The following CACNA1A variants were observed in gnomAD, a reference collection of about 807,000 sequenced individuals.
The protein encoded by CACNA1A is calcium voltage-gated channel subunit alpha1 A, also known as voltage-dependent P/Q-type calcium channel subunit alpha-1A.
CACNA1A carries 57 observed loss-of-function variants against 262.4 expected under a neutral mutation model. The observed-to-expected ratio is 0.22, with a 90% CI of 0.18 to 0.27. The LOEUF is 0.27. Among genes scored for constraint, CACNA1A ranks in the 10% least tolerant of loss-of-function variants. The pLI, the probability that CACNA1A is intolerant of heterozygous loss-of-function variation, is 1.00. For missense variants in CACNA1A, 2,526 were observed against 3,562.8 expected (o/e 0.71, Z 7.41); for synonymous variants, 1,431 against 1,419.3 (o/e 1.01, Z -0.18).
At chr19:13,489,152 C>G (rs533612528) in intron 1 of CACNA1A, among the ~76,000 whole-genome samples, 1 of 151,526 alleles carries the variant, frequency 6.6e-6, no homozygotes, top group Non-Finnish European at 1.5e-5. Context: ...GCTGGGACTG[C>G]GGGTGTGCAC....
Position 13,207,764 on chromosome 19 carries a change from C to G in CACNA1A, c.7070G>C (p.Gly2357Ala). 1 of 1,378,522 alleles carries G rather than the reference C, an allele frequency of 7.3e-7. No individual in the cohort carries two copies. The highest frequency in any genetic ancestry group is 9.3e-7 in the Non-Finnish European group (1 of 1,074,456). The allele number at this position is 1,378,522 out of a possible 1,614,324, so 85.4% of individuals were successfully genotyped here. A position where few individuals can be genotyped will look rare whatever the true frequency, so the allele number is the denominator to read the frequency against. Residue 2357 changes from glycine (G) to alanine (A), a missense_variant, in exon 47 of 47, where the codon GGG (glycine) becomes GCG (alanine). By Grantham distance (60) the Gly-to-Ala change is moderately conservative. Transcript: ENST00000360228. This position sits in a 1 kb window ranked among gnomAD's most constrained non-coding sequence, Gnocchi z 5.7. The stretch of plus-strand genomic sequence containing the variant: ...GGGCGAGCGGCCGCTGCTGTGGCCC[C>G]CCGTGGGCGGCCGATCTCCGGCCAG... The part of the protein sequence containing the change: ...EPLAGDRPPT[G>A]GHSSGRSPRM...
chr19:13,360,808 A>G (rs186388971), intron 5 of CACNA1A, among the ~76,000 whole-genome samples: 40 of 152,308 alleles, frequency 2.6e-4, no homozygotes, highest in Non-Finnish European at 5.0e-4. Flanking sequence ...CTCAGACATC[A>G]TATCATTTCA....
chr19:13,294,048 A>C (rs1473872708), intron 19 of CACNA1A, among the ~76,000 whole-genome samples: 3 of 152,138 alleles, frequency 2.0e-5, no homozygotes, highest in African/African-American at 7.2e-5. Flanking sequence ...TAGATCTGTT[A>C]ATAAGGCTGA....
chr19:13,435,439 C>T (rs556265299), intron 3 of CACNA1A, among the ~76,000 whole-genome samples: 4 of 152,026 alleles, frequency 2.6e-5, no homozygotes, highest in South Asian at 2.1e-4. Context: ...AATGTGAGAA[C>T]GGGCTAATAC....
intron 3 of CACNA1A, among the ~76,000 whole-genome samples, chr19:13,391,632 C>T (rs895850276): frequency 6.6e-6 from 1 of 152,086 alleles, no homozygotes; most frequent in African/African-American, 2.4e-5. Flanking sequence ...TGCGGTGGCT[C>T]ACATCGGTAG....
rs145572476 is a variant in CACNA1A at position 13,440,911 on chromosome 19, T to C, written c.539+11965A>G. ...GACTTGACCTCCTGGGCTCAAGTGATTCTCCCACCTCAGCCTCCTGAGTAG... is the reference window on the plus strand; with the variant it reads ...GACTTGACCTCCTGGGCTCAAGTGACTCTCCCACCTCAGCCTCCTGAGTAG... On this transcript the variant is annotated intron_variant, in intron 3 of 46. Transcript: ENST00000360228. Among the ~76,000 whole-genome samples, 1,026 of 152,314 alleles carry C rather than the reference T, an allele frequency of 6.7e-3. 17 individuals are homozygous for C. Among genetic ancestry groups the C allele is most frequent in the African/African-American group, 0.022 (928 of 41,570 alleles).
intron 3 of CACNA1A, among the ~76,000 whole-genome samples, chr19:13,406,465 T>TTATATATATATATA (rs61273249): frequency 3.2e-5 from 1 of 31,544 alleles, no homozygotes; most frequent in Non-Finnish European, 7.5e-5. Flanking sequence ...AAAAAAAAAA[T>TTATATATATATATA]TATATATATA....
Position 13,208,015 on chromosome 19 carries a change from T to G in CACNA1A, c.6819A>C (p.Thr2273=). 2 of 1,313,340 alleles carry G rather than the reference T, an allele frequency of 1.5e-6. No individual in the cohort carries two copies. 81.4% of individuals were successfully genotyped at this position (1,313,340 alleles called of 1,614,324 possible). A position where few individuals can be genotyped will look rare whatever the true frequency, so the allele number is the denominator to read the frequency against. ...SSVSGSPAPS[T]SGTSTPRRGR... ...CCCGCCGCGGAGTGCTGGTACCAGA[T>G]GTTGAGGGGGCTGGGCTTCCACTTA... The change falls in exon 47 of 47, where the codon ACA becomes ACC. Residue 2273 remains threonine, a synonymous_variant. Coordinates refer to ENST00000360228, the MANE Select transcript of CACNA1A (RefSeq NM_001127222.2).
At chr19:13,318,890 C>CTTATTTTTTTTTTTTTTTTTTTTTTT (rs2058186266) in intron 10 of CACNA1A, among the ~76,000 whole-genome samples, 1 of 114,668 alleles carries the variant, frequency 8.7e-6, no homozygotes, top group African/African-American at 3.7e-5. Flanking sequence ...TAAAATACAT[C>CTTATTTTTTTTTTTTTTTTTTTTTTT]TTTTTTTTTT....
chr19:13,311,840 A>AACAAAAAATAAAG (rs1450728370), intron 12 of CACNA1A, among the ~76,000 whole-genome samples: 1 of 152,158 alleles, frequency 6.6e-6, no homozygotes, highest in East Asian at 1.9e-4. Context: ...CCATCTCAAA[A>AACAAAAAATAAAG]ACAAAAAATA....
intron 1 of CACNA1A, among the ~76,000 whole-genome samples, chr19:13,483,744 G>A (rs536521567): frequency 6.6e-6 from 1 of 152,200 alleles, no homozygotes; most frequent in East Asian, 1.9e-4. Context: ...ATCCAAACAA[G>A]CCTGAAGCTG....
At chr19:13,379,304 A>AC (rs1555777317) in intron 3 of CACNA1A, among the ~76,000 whole-genome samples, 2 of 151,116 alleles carry the variant, frequency 1.3e-5, no homozygotes, top group Non-Finnish European at 1.5e-5. Context: ...AGGTATGTAC[A>AC]TTTTTTTTTA....
At chr19:13,472,414 C>A (rs1460900933) in intron 1 of CACNA1A, among the ~76,000 whole-genome samples, 2 of 152,186 alleles carry the variant, frequency 1.3e-5, no homozygotes, top group Non-Finnish European at 2.9e-5. Flanking sequence ...TCTCTGAGGA[C>A]TTCTCATTGC....
intron 1 of CACNA1A, among the ~76,000 whole-genome samples, chr19:13,471,528 T>C (rs117309435): frequency 0.011 from 1,648 of 152,270 alleles, 13 homozygotes; most frequent in Middle Eastern, 0.031. Context: ...CTGCTCAGCA[T>C]TGCCTCTTCA....
chr19:13,338,628 T>C (rs1438101098), intron 6 of CACNA1A, among the ~76,000 whole-genome samples: 1 of 152,120 alleles, frequency 6.6e-6, no homozygotes, highest in African/African-American at 2.4e-5. Flanking sequence ...CCAGACTTCA[T>C]TTATGCAAAA....
At chr19:13,222,628 C>T (rs535846158) in intron 38 of CACNA1A, among the ~76,000 whole-genome samples, 1 of 151,848 alleles carries the variant, frequency 6.6e-6, no homozygotes, top group Admixed American at 6.6e-5. Context: ...ATTTCTTGAC[C>T]TCATGATCTG....
intron 3 of CACNA1A, among the ~76,000 whole-genome samples, chr19:13,440,427 C>T (rs544540362): frequency 1.3e-5 from 2 of 152,236 alleles, no homozygotes; most frequent in Admixed American, 1.3e-4. Flanking sequence ...TATTGGGAAC[C>T]CAACTAATAA....
At chr19:13,312,481 C>T (rs1033458719) in intron 12 of CACNA1A, among the ~76,000 whole-genome samples, 188 bp downstream of exon 12, 2 of 152,128 alleles carry the variant, frequency 1.3e-5, no homozygotes, top group African/African-American at 2.4e-5. Context: ...CTCCCACTGG[C>T]GGTGGTTGAG....
rs890689183 is a variant in CACNA1A at position 13,207,577 on chromosome 19, A to G, written c.7257T>C (p.Asp2419=). Residue 2419 remains aspartate (D), a synonymous_variant, in exon 47 of 47, where the codon GAT becomes GAC. Transcript: ENST00000360228. The surrounding 1 kb of genome is among the most constrained non-coding windows in gnomAD (Gnocchi z 5.7). The part of the protein sequence containing the change: ...YYRGSDYDEA[D]GPGSGGGEEA... ...CCTCGCCGCCCCCGCTGCCCGGGCC[A>G]TCGGCCTCGTCGTAGTCGGAGCCCC... 2.7e-6 allele frequency: 4 copies of G among 1,476,626 alleles called. No individual in the cohort carries two copies. The Admixed American group carries it at 9.0e-5, about 33-fold the overall frequency. 91.5% of individuals were successfully genotyped at this position (1,476,626 alleles called of 1,614,324 possible).
Sources: allele counts gnomAD v4.1 joint callset (sites outside exome capture counted in the v4.1 genomes callset), GRCh38; gene constraint gnomAD v4.1.1; non-coding constraint Gnocchi (gnomAD v3.1); transcripts MANE v1.5; gene names NCBI Gene and HGNC (gene_info 2026-07-23, HGNC 2026-07-21).